Variants in CCR5AS observed in about 807,000 individuals in gnomAD.
CCR5AS encodes the protein CCR5 antisense RNA.
chr3:46,384,601 G>A (rs1473149113), intron 2 of CCR5AS, among the ~76,000 whole-genome samples: 1 of 152,088 alleles, frequency 6.6e-6, no homozygotes, highest in African/African-American at 2.4e-5. Flanking sequence ...AACAGTGTCG[G>A]GATAAGGCTC....
intron 1 of CCR5AS, among the ~76,000 whole-genome samples, chr3:46,403,225 A>G (rs1702017863): frequency 6.6e-6 from 1 of 152,222 alleles, no homozygotes; most frequent in Non-Finnish European, 1.5e-5. Flanking sequence ...TCTTCATGGT[A>G]GAATGATTTA....
chr3:46,399,655 G>A (rs1163071643), intron 1 of CCR5AS, among the ~76,000 whole-genome samples: 4 of 152,298 alleles, frequency 2.6e-5, no homozygotes, highest in Non-Finnish European at 5.9e-5. Flanking sequence ...CAGGGGGAGA[G>A]ATTAGCCTTT....
chr3:46,381,154 C>T (rs17715106), intron 2 of CCR5AS, among the ~76,000 whole-genome samples: 10,332 of 152,234 alleles, frequency 0.068, 525 homozygotes, highest in South Asian at 0.2. Flanking sequence ...GGATGTCTGG[C>T]GCCCATGCTG....
At chr3:46,373,381 C>A in intron 2 of CCR5AS, 2 of 1,612,516 alleles carry the variant, frequency 1.2e-6, no homozygotes, top group South Asian at 1.1e-5. Context: ...GTGTTTGCGT[C>A]TCTCCCAGGA....
exon 1 of CCR5AS, chr3:46,407,023 TC>T (rs1488902156): frequency 6.6e-6 from 1 of 152,420 alleles, no homozygotes; most frequent in Non-Finnish European, 1.5e-5. Flanking sequence ...CCACATACCT[TC>T]CTCCCTGCTG....
At chr3:46,373,919 C>T in intron 2 of CCR5AS, 3 of 1,591,464 alleles carry the variant, frequency 1.9e-6, no homozygotes, top group East Asian at 2.2e-5. Flanking sequence ...GCTCAGTTTA[C>T]ACCCGATCCA....
chr3:46,397,962 G>A (rs1042932164), intron 1 of CCR5AS, among the ~76,000 whole-genome samples: 1 of 152,218 alleles, frequency 6.6e-6, no homozygotes, highest in African/African-American at 2.4e-5. Context: ...GTGTAACTCC[G>A]ACACGGGGCA....
chr3:46,383,602 C>A (rs1213828128), intron 2 of CCR5AS, among the ~76,000 whole-genome samples: 1 of 152,100 alleles, frequency 6.6e-6, no homozygotes, highest in Admixed American at 6.5e-5. Flanking sequence ...AACCCCACCG[C>A]CACTCTCCTA....
chr3:46,394,462 CCACTCATTCCTGT>C (rs1478740780), intron 1 of CCR5AS, among the ~76,000 whole-genome samples: 1 of 152,148 alleles, frequency 6.6e-6, no homozygotes, highest in African/African-American at 2.4e-5. Flanking sequence ...CTTTCTTCAC[CCACTCATTCCTGT>C]CACTCTACCA....
At chr3:46,382,186 C>T (rs1469387814) in intron 2 of CCR5AS, among the ~76,000 whole-genome samples, 1 of 152,196 alleles carries the variant, frequency 6.6e-6, no homozygotes, top group Non-Finnish European at 1.5e-5. Flanking sequence ...TTTTCTTTGT[C>T]AACCAAGTGT....
chr3:46,373,424 T>A (rs1180279084), intron 2 of CCR5AS: 1 of 1,612,622 alleles, frequency 6.2e-7, no homozygotes, highest in South Asian at 1.1e-5. Context: ...AAGAAGGTCT[T>A]CATTACACCT....
intron 2 of CCR5AS, chr3:46,373,547 G>A (rs376137306): frequency 8.5e-5 from 137 of 1,612,956 alleles, no homozygotes; most frequent in African/African-American, 1.7e-4. Context: ...TCTGCTACTC[G>A]GGAATCCTAA....
intron 3 of CCR5AS, among the ~76,000 whole-genome samples, chr3:46,368,477 C>CTTCA (rs1701621860): frequency 6.6e-6 from 1 of 152,196 alleles, no homozygotes; most frequent in Admixed American, 6.5e-5. Flanking sequence ...AATCCTTGGG[C>CTTCA]TGAACCCCCC....
chr3:46,393,566 C>T (rs1207748678), intron 1 of CCR5AS, among the ~76,000 whole-genome samples: 1 of 151,122 alleles, frequency 6.6e-6, no homozygotes, highest in African/African-American at 2.4e-5. Flanking sequence ...GTCACTAATT[C>T]AAGGGAATTG....
intron 2 of CCR5AS, chr3:46,372,997 T>C: frequency 1.9e-6 from 3 of 1,614,124 alleles, no homozygotes; most frequent in Non-Finnish European, 2.5e-6. Context: ...GCAGCCCGCC[T>C]CCTGCCTCCG....
intron 2 of CCR5AS, chr3:46,392,718 G>A (rs1701923280): frequency 6.6e-6 from 1 of 152,656 alleles, no homozygotes. Flanking sequence ...TGGATAAAAT[G>A]TGTCTCCTTT....
At chr3:46,381,457 T>C (rs1030832740) in intron 2 of CCR5AS, among the ~76,000 whole-genome samples, 1 of 152,186 alleles carries the variant, frequency 6.6e-6, no homozygotes, top group Admixed American at 6.5e-5. Context: ...TTTAAACACA[T>C]GTACACACAC....
chr3:46,405,127 T>C (rs1351533682), intron 1 of CCR5AS, among the ~76,000 whole-genome samples: 1 of 152,210 alleles, frequency 6.6e-6, no homozygotes, highest in African/African-American at 2.4e-5. Flanking sequence ...TTCTAAACTC[T>C]TCCTTCCTTC....
chr3:46,399,499 A>T (rs190180802), intron 1 of CCR5AS, among the ~76,000 whole-genome samples: 2 of 152,318 alleles, frequency 1.3e-5, no homozygotes, highest in Admixed American at 6.5e-5. Flanking sequence ...CCAATGTTTG[A>T]GGTCAAAGTG....
Sources: gnomAD v4.1 joint callset for allele counts (sites outside exome capture counted in the v4.1 genomes callset) on GRCh38, gnomAD v4.1.1 for gene constraint, MANE v1.5 for transcripts, NCBI Gene and HGNC (gene_info 2026-07-23, HGNC 2026-07-21) for gene names.